Variants in ZZEF1 observed in about 807,000 individuals in gnomAD.
ZZEF1 encodes the protein zinc finger ZZ-type and EF-hand domain-containing protein 1.
Under a neutral mutation model 342.8 loss-of-function variants are expected in ZZEF1, and 157 were observed. The ratio of observed to expected loss-of-function variants is 0.46; its 90% confidence interval spans 0.40 to 0.52. The LOEUF is 0.52. Ranked by LOEUF, ZZEF1 falls within the 20% of genes least tolerant of loss-of-function variation. ZZEF1 has a pLI of 0.00. For synonymous variants in ZZEF1, 1,505 were observed against 1,429.1 expected, an observed-to-expected ratio of 1.05 and a Z score of -1.20; for missense variants, 3,480 against 3,725.6, an observed-to-expected ratio of 0.93 and a Z score of 1.72.
intron 1 of ZZEF1, among the ~76,000 whole-genome samples, chr17:4,126,397 G>A (rs2145565112): frequency 6.6e-6 from 1 of 152,168 alleles, no homozygotes; most frequent in South Asian, 2.1e-4. Context: ...AACCCACTAA[G>A]ACAATATTAT....
rs2056564600 is a variant in ZZEF1 at position 4,032,238 on chromosome 17, G to A, written c.6780C>T (p.Arg2260=). ...GFPQVLCVGT[R]CVYMDNANEP... is the part of the protein sequence containing the mutation. Reference sequence around the variant, plus strand: ...CATTGGCATTATCCATATAAACGCAGCGGGTTCCCACACAGAGGACCTAGA... The same window carrying A: ...CATTGGCATTATCCATATAAACGCAACGGGTTCCCACACAGAGGACCTAGA... Residue 2260 remains arginine, a synonymous_variant, in exon 42 of 55, where the codon CGC becomes CGT. Coordinates refer to ENST00000381638, the MANE Select transcript of ZZEF1 (RefSeq NM_015113.4). 2 of 1,613,374 alleles carry A rather than the reference G, an allele frequency of 1.2e-6. No homozygotes were observed. The highest frequency in any genetic ancestry group is 1.1e-5 in the South Asian group (1 of 90,926).
chr17:4,066,679 C>T, intron 27 of ZZEF1, 139 bp from the exon 28 acceptor site: 1 of 728,062 alleles, frequency 1.4e-6, no homozygotes, highest in African/African-American at 1.8e-5. Context: ...GTTTGTAATA[C>T]TCACAACCTT....
Position 4,013,487 on chromosome 17 carries a change from G to A in ZZEF1, c.8541C>T (p.Ile2847=), listed in dbSNP as rs753157200. Residue 2847 remains isoleucine, a synonymous_variant, in exon 52 of 55, where the codon ATC becomes ATT. Coordinates refer to ENST00000381638, the MANE Select transcript of ZZEF1 (RefSeq NM_015113.4). ...ATCGCACAATCCTCAGAAGTAAGTG[G>A]ATGGCTTTTAATCGTTGATGGCCAG... The part of the protein sequence containing the change: ...RQTGHQRLKA[I]HLLLRIVRCC... 1 of 1,613,394 alleles carries A rather than the reference G, an allele frequency of 6.2e-7. No homozygotes were observed. Among genetic ancestry groups the A allele is most frequent in the Admixed American group, 1.7e-5 (1 of 59,898 alleles).
intron 6 of ZZEF1, among the ~76,000 whole-genome samples, chr17:4,106,436 G>A (rs1263709069): frequency 6.6e-6 from 1 of 151,296 alleles, no homozygotes; most frequent in East Asian, 1.9e-4. Flanking sequence ...GCAGCTTGAG[G>A]CTCAGTAGAA....
intron 39 of ZZEF1, among the ~76,000 whole-genome samples, chr17:4,034,727 T>C (rs1364044459): frequency 6.6e-6 from 1 of 152,204 alleles, no homozygotes; most frequent in Non-Finnish European, 1.5e-5. Flanking sequence ...CCAGGCATAG[T>C]GACTCACACC....
At chr17:4,074,384 G>C (rs759043003) in intron 23 of ZZEF1, 33 bp from the exon 24 acceptor site, 2 of 1,608,002 alleles carry the variant, frequency 1.2e-6, no homozygotes, top group Admixed American at 1.7e-5. Flanking sequence ...TGGTCAGACA[G>C]ATTAGAGGAG....
intron 1 of ZZEF1, among the ~76,000 whole-genome samples, chr17:4,140,582 C>A (rs1249621886): frequency 1.3e-5 from 2 of 152,196 alleles, no homozygotes; most frequent in Non-Finnish European, 2.9e-5. Context: ...TCGATATACG[C>A]CCAATAAACA....
chr17:4,092,120 G>A lies in ZZEF1; in HGVS notation c.1914-1290C>T, dbSNP rs141638702. ...AAAAATAATATAAATAAATAAGAAG[G>A]AGAAAAAGAGCAGTTTTTTCAAGTA... On this transcript the variant is annotated intron_variant, in intron 11 of 54. Coordinates refer to ENST00000381638, the MANE Select transcript of ZZEF1 (RefSeq NM_015113.4). Among the ~76,000 whole-genome samples, 135 of 150,492 alleles carry A rather than the reference G, an allele frequency of 9.0e-4. 1 individual carries two copies. Among genetic ancestry groups the A allele is most frequent in the African/African-American group, 3.0e-3 (124 of 41,158 alleles).
Position 4,077,006 on chromosome 17 carries a change from A to G in ZZEF1, c.2990-17T>C. On this transcript the variant is annotated splice_polypyrimidine_tract_variant and intron_variant, in intron 19 of 54. Transcript: ENST00000381638. ...GGCCCACATCTACCGAAACAAAGAAAATAATTAATATATTATATAGTAGAA... is the reference window on the plus strand; with the variant it reads ...GGCCCACATCTACCGAAACAAAGAAGATAATTAATATATTATATAGTAGAA... The G allele has an allele frequency of 1.3e-6, 2 of 1,599,768 alleles. No individual in the cohort carries two copies. The highest frequency in any genetic ancestry group is 1.7e-6 in the Non-Finnish European group (2 of 1,173,334).
intron 37 of ZZEF1, among the ~76,000 whole-genome samples, chr17:4,046,554 A>G (rs923926377): frequency 1.3e-5 from 2 of 152,166 alleles, no homozygotes; most frequent in Non-Finnish European, 2.9e-5. Context: ...TACCTAACTC[A>G]GCCTCCCCTC....
At position 4,015,179 on chromosome 17, in the gene ZZEF1, C is replaced by T. The variant is rs114068069; in HGVS notation, c.8146-664G>A. Among the ~76,000 whole-genome samples, 748 of 152,248 alleles carry T rather than the reference C, an allele frequency of 4.9e-3. 5 individuals carry two copies. Among genetic ancestry groups the T allele is most frequent in the African/African-American group, 0.017 (725 of 41,562 alleles). On this transcript the variant is annotated intron_variant, in intron 49 of 54. Transcript: ENST00000381638. ...CAAAAGGAACCCCAGAGAAGGGCAACGGGTGTCCAGGGTCAGTGGAGAAGA... is the reference window on the plus strand; with the variant it reads ...CAAAAGGAACCCCAGAGAAGGGCAATGGGTGTCCAGGGTCAGTGGAGAAGA...
chr17:4,138,940 A>C (rs1349546290), intron 1 of ZZEF1, among the ~76,000 whole-genome samples: 1 of 151,968 alleles, frequency 6.6e-6, no homozygotes, highest in Non-Finnish European at 1.5e-5. Flanking sequence ...TTGTACTATA[A>C]AATGATAATG....
At chr17:4,066,881 A>ACCG (rs2057410451) in intron 27 of ZZEF1, among the ~76,000 whole-genome samples, 1 of 151,894 alleles carries the variant, frequency 6.6e-6, no homozygotes. Flanking sequence ...AAAACTGGCC[A>ACCG]TGGTTACCTA....
At position 4,014,365 on chromosome 17, in the gene ZZEF1, T is replaced by A; in HGVS notation, c.8296A>T (p.Lys2766Ter). 6.2e-7 allele frequency: 1 copy of A among 1,614,224 alleles called. No homozygotes were observed. The highest frequency in any genetic ancestry group is 8.5e-7 in the Non-Finnish European group (1 of 1,180,034). ...HSFSGSQQKW[K>*]DFELPGDTLY... ...TCACTACCTGGAAGTTCAAAATCTT[T>A]CCACTTCTGCTGAGACCCGCTGAAG... The change falls in exon 50 of 55, where the codon AAA becomes TAA. Residue 2766 changes from lysine to a stop codon, truncating the protein, a stop_gained. Coordinates refer to ENST00000381638, the MANE Select transcript of ZZEF1 (RefSeq NM_015113.4). LOFTEE classifies it high-confidence loss of function. The surrounding 1 kb of genome is among the most constrained non-coding windows in gnomAD (Gnocchi z 4.4).
At chr17:4,116,088 G>A (rs1445236354) in intron 3 of ZZEF1, among the ~76,000 whole-genome samples, 1 of 152,214 alleles carries the variant, frequency 6.6e-6, no homozygotes, top group Non-Finnish European at 1.5e-5. Flanking sequence ...GGGAAGCCAA[G>A]GTGGGTGGAT....
At chr17:4,009,543 T>G (rs1597745900) in intron 53 of ZZEF1, 61 bp downstream of exon 53, 1 of 1,604,360 alleles carries the variant, frequency 6.2e-7, no homozygotes. Flanking sequence ...CTGCCCTGGG[T>G]AGCAGAGGGA....
intron 39 of ZZEF1, 103 bp from the exon 40 acceptor site, chr17:4,034,395 TA>T: frequency 8.2e-7 from 1 of 1,219,062 alleles, no homozygotes; most frequent in Non-Finnish European, 1.1e-6. Flanking sequence ...GGCCTAGTGC[TA>T]ACGGAATCAT....
chr17:4,076,557 G>T, intron 21 of ZZEF1, 80 bp downstream of exon 21: 2 of 1,533,602 alleles, frequency 1.3e-6, no homozygotes, highest in Non-Finnish European at 1.8e-6. Flanking sequence ...CCTATCTGCA[G>T]TCCGTGGTCC....
chr17:4,064,384 C>T lies in ZZEF1; in HGVS notation c.4695G>A (p.Lys1565=). Residue 1565 remains lysine, a synonymous_variant, in exon 29 of 55, where the codon AAG becomes AAA. Coordinates refer to ENST00000381638, the MANE Select transcript of ZZEF1 (RefSeq NM_015113.4). ...ACCTCCTGTGCGAGAGCGACTGATCCTTAATGAAGTCCATGACGTCCTTCA... is the reference window on the plus strand; with the variant it reads ...ACCTCCTGTGCGAGAGCGACTGATCTTTAATGAAGTCCATGACGTCCTTCA... ...PVLKDVMDFI[K]DQSLSHRSVV... is the part of the protein sequence containing the mutation. The T allele has an allele frequency of 6.3e-7, 1 of 1,599,010 alleles. No homozygotes were observed. The highest frequency in any genetic ancestry group is 8.6e-7 in the Non-Finnish European group (1 of 1,168,688).
Sources: allele counts gnomAD v4.1 joint callset (sites outside exome capture counted in the v4.1 genomes callset), GRCh38; gene constraint gnomAD v4.1.1; non-coding constraint Gnocchi (gnomAD v3.1); transcripts MANE v1.5; gene names NCBI Gene and HGNC (gene_info 2026-07-23, HGNC 2026-07-21).